Variants in EXOC6 observed in about 807,000 individuals in gnomAD.
EXOC6 encodes the protein exocyst complex component 6, also known as SEC15-like 1.
EXOC6 carries 60 observed loss-of-function variants against 112.5 expected under a neutral mutation model. The ratio of observed to expected loss-of-function variants is 0.53; its 90% CI spans 0.43 to 0.66. The LOEUF is 0.66. EXOC6 is among the 30% of genes least tolerant of loss of function. EXOC6 has a pLI of 0.00. For synonymous variants in EXOC6, 295 were observed against 308.0 expected, an observed-to-expected ratio of 0.96 and a Z score of 0.44; for missense variants, 855 against 957.1, an observed-to-expected ratio of 0.89 and a Z score of 1.41.
At chr10:93,038,089 T>G (rs529766405) in intron 20 of EXOC6, among the ~76,000 whole-genome samples, 167 of 148,932 alleles carry the variant, frequency 1.1e-3, no homozygotes, top group African/African-American at 4.0e-3. Flanking sequence ...AAATTTTTTT[T>G]GTTGACTGGA....
intron 18 of EXOC6, among the ~76,000 whole-genome samples, chr10:92,988,803 A>G (rs1050945414): frequency 2.4e-5 from 1 of 41,544 alleles, no homozygotes; most frequent in African/African-American, 1.4e-4. Context: ...CAAAAAATAC[A>G]CACACACACA....
chr10:93,026,737 A>G (rs1564921104), intron 20 of EXOC6, among the ~76,000 whole-genome samples: 2 of 152,198 alleles, frequency 1.3e-5, no homozygotes, highest in African/African-American at 4.8e-5. Context: ...CCACACCCAT[A>G]TAAGATGATG....
rs768104916 is a variant in EXOC6, at chr10:93,058,314, C to G, written c.2374C>G (p.Gln792Glu). Residue 792 changes from glutamine (Q) to glutamate (E), a missense_variant, in exon 22 of 22, where the codon CAG becomes GAG. This residue lies in a region of EXOC6 where 450 missense variants were observed against 563.5 expected (regional missense o/e 0.80). Coordinates refer to ENST00000260762, the MANE Select transcript of EXOC6 (RefSeq NM_019053.6). Reference sequence around the variant, plus strand: ...GAAGTTGATAGAGACAGTCGTGAAACAGCTGAGAAGTTTGGTGAATGGTAT... The same window carrying G: ...GAAGTTGATAGAGACAGTCGTGAAAGAGCTGAGAAGTTTGGTGAATGGTAT... Reference protein sequence around the residue: ...KQKLIETVVKQLRSLVNGMSQ... With the variant: ...KQKLIETVVKELRSLVNGMSQ... 2 of 1,611,370 alleles carry G rather than the reference C, an allele frequency of 1.2e-6. No individual in the cohort carries two copies. Among genetic ancestry groups the G allele is most frequent in the Admixed American group, 3.4e-5 (2 of 58,900 alleles).
intron 20 of EXOC6, among the ~76,000 whole-genome samples, chr10:93,027,684 G>A (rs1414306780): frequency 1.3e-5 from 2 of 152,158 alleles, no homozygotes; most frequent in East Asian, 3.9e-4. Flanking sequence ...TTATAGCATG[G>A]TTTGTTGAAT....
At position 92,829,486 on chromosome 10, in the gene EXOC6, GACA is replaced by G. The variant is rs541702773; in HGVS notation, c.-27+2548_-27+2550del. Among the ~76,000 whole-genome samples the G allele has an allele frequency of 9.2e-5, 14 of 152,282 alleles. No individual in the cohort carries two copies. The East Asian group carries it at 2.7e-3, about 29-fold the overall frequency. On this transcript the variant is annotated intron_variant, in intron 1 of 22. Coordinates refer to the EXOC6 transcript ENST00000671701. ...CCTTGGCATGAGGCAATGAACCTCG[GACA>G]ACAACGCCAGACAACAACACCACTT...
chr10:92,913,781 C>T (rs1589820972), intron 6 of EXOC6, among the ~76,000 whole-genome samples: 1 of 152,090 alleles, frequency 6.6e-6, no homozygotes, highest in Non-Finnish European at 1.5e-5. Flanking sequence ...TTTTGCCCTG[C>T]TTATTTTTGC....
intron 6 of EXOC6, 138 bp from the exon 7 acceptor site, chr10:92,915,620 A>G (rs572950255): frequency 7.9e-6 from 3 of 377,902 alleles, no homozygotes; most frequent in African/African-American, 2.1e-5. Flanking sequence ...AAAATCATGA[A>G]TAAGAAAGGA....
At chr10:92,971,242 C>T (rs1254651048) in intron 17 of EXOC6, among the ~76,000 whole-genome samples, 1 of 151,972 alleles carries the variant, frequency 6.6e-6, no homozygotes, top group Admixed American at 6.6e-5. Context: ...GACAAGGTTT[C>T]ACCATGTTAG....
chr10:93,048,239 T>G (rs1846099777), intron 20 of EXOC6, among the ~76,000 whole-genome samples: 1 of 151,308 alleles, frequency 6.6e-6, no homozygotes, highest in Admixed American at 6.6e-5. Context: ...GTTGTACACA[T>G]GTACCCTAGA....
At chr10:92,907,033 G>GTC (rs1270934471) in intron 5 of EXOC6, among the ~76,000 whole-genome samples, 1 of 152,154 alleles carries the variant, frequency 6.6e-6, no homozygotes, top group Admixed American at 6.5e-5. Context: ...CCAGGGTCTG[G>GTC]TCTCTGACTT....
At chr10:92,962,679 C>T (rs771024597) in intron 17 of EXOC6, among the ~76,000 whole-genome samples, 6 of 152,142 alleles carry the variant, frequency 3.9e-5, no homozygotes, top group African/African-American at 7.2e-5. Context: ...ACGTGTAAGC[C>T]GCTGTCAGGC....
intron 5 of EXOC6, 165 bp downstream of exon 5, chr10:92,899,809 C>G (rs1850056997): frequency 2.0e-6 from 1 of 493,698 alleles, no homozygotes; most frequent in Admixed American, 3.8e-5. Context: ...TAAAGCAAAT[C>G]TTAGCCTTTT....
At chr10:92,924,831 A>G (rs1418769051) in intron 8 of EXOC6, among the ~76,000 whole-genome samples, 10 of 152,126 alleles carry the variant, frequency 6.6e-5, no homozygotes, top group Non-Finnish European at 1.3e-4. Flanking sequence ...CCTTCACCCC[A>G]CTTCTGAATC....
At chr10:92,995,245 T>C (rs1843436394) in intron 18 of EXOC6, among the ~76,000 whole-genome samples, 1 of 152,124 alleles carries the variant, frequency 6.6e-6, no homozygotes, top group African/African-American at 2.4e-5. Flanking sequence ...TCATTACTTA[T>C]TTCCACCAGG....
chr10:92,885,162 C>T (rs571283094), intron 1 of EXOC6, among the ~76,000 whole-genome samples: 1 of 152,146 alleles, frequency 6.6e-6, no homozygotes, highest in East Asian at 1.9e-4. Context: ...TCAGTTACAG[C>T]GAGTTAACTC....
At chr10:92,838,633 G>C (rs1306320725) in intron 1 of EXOC6, among the ~76,000 whole-genome samples, 1 of 152,154 alleles carries the variant, frequency 6.6e-6, no homozygotes, top group Non-Finnish European at 1.5e-5. Context: ...AGTTTGAATT[G>C]GGGAAGAAAA....
chr10:92,894,721 T>C, intron 2 of EXOC6, 73 bp from the exon 3 acceptor site: 1 of 1,163,332 alleles, frequency 8.6e-7, no homozygotes, highest in Non-Finnish European at 1.3e-6. Flanking sequence ...ATGATCTGAT[T>C]ACAAGGGTGA....
chr10:92,971,707 T>C (rs1842305053), intron 17 of EXOC6, among the ~76,000 whole-genome samples: 1 of 152,216 alleles, frequency 6.6e-6, no homozygotes, highest in Admixed American at 6.5e-5. Context: ...TCCCTATTTA[T>C]TGATGTATTC....
At chr10:92,896,141 GTATGTGTA>G (rs1564809809) in intron 4 of EXOC6, among the ~76,000 whole-genome samples, 1 of 33,680 alleles carries the variant, frequency 3.0e-5, no homozygotes, top group Admixed American at 4.8e-4. Flanking sequence ...GTGTGTGTAT[GTATGTGTA>G]TATATATATA....
Sources: gnomAD v4.1 joint callset for allele counts (sites outside exome capture counted in the v4.1 genomes callset) on GRCh38, gnomAD v4.1.1 for gene constraint, gnomAD v4.1.1 regional missense constraint, MANE v1.5 for transcripts, NCBI Gene and HGNC (gene_info 2026-07-23, HGNC 2026-07-21) for gene names.